CAMSAP1: variants seen among roughly 807,000 people sequenced by gnomAD.
CAMSAP1 encodes the protein calmodulin-regulated spectrin-associated protein 1.
Under a neutral mutation model 143.5 loss-of-function variants are expected in CAMSAP1, and 58 were observed. That is an observed-to-expected ratio of 0.40 (90% confidence interval 0.33 to 0.50). The LOEUF (loss-of-function observed/expected upper bound fraction) is 0.50, where lower values mean the gene tolerates loss of function less well. Ranked by LOEUF, CAMSAP1 falls within the 20% of genes least tolerant of loss-of-function variation. CAMSAP1 has a pLI of 0.45. For synonymous variants in CAMSAP1, 945 were observed against 859.3 expected, an observed-to-expected ratio of 1.10 and a Z score of -1.74; for missense variants, 1,969 against 2,115.7, an observed-to-expected ratio of 0.93 and a Z score of 1.36.
chr9:135,906,856 G>A (rs1204068346), intron 1 of CAMSAP1, 144 bp downstream of exon 1: 3 of 380,976 alleles, frequency 7.9e-6, no homozygotes, highest in Non-Finnish European at 1.1e-5. Context: ...CCAGGACCTC[G>A]GAGGCGGCCG....
Position 135,818,702 on chromosome 9 carries a change from T to C in CAMSAP1, c.3960-86A>G. On this transcript the variant is annotated intron_variant, in intron 12 of 16. Transcript: ENST00000389532. This position sits in a 1 kb window ranked among gnomAD's most constrained non-coding sequence, Gnocchi z 7.7. ...CCGCGGCGCTCTGTCCAGGCGCGTT[T>C]CTCGGGTTCTCCCCGGCCGCTGGGA... 6.9e-7 allele frequency: 1 copy of C among 1,445,604 alleles called. No homozygotes were observed. The allele number at this position is 1,445,604 out of a possible 1,614,324, so 89.5% of individuals were successfully genotyped here. A position where few individuals can be genotyped will look rare whatever the true frequency, so the allele number is the denominator to read the frequency against.
chr9:135,861,098 T>C (rs1295872037), intron 5 of CAMSAP1, among the ~76,000 whole-genome samples: 1 of 152,192 alleles, frequency 6.6e-6, no homozygotes, highest in African/African-American at 2.4e-5. Context: ...CTGTCAGGCC[T>C]CCTCAGTTCA....
intron 3 of CAMSAP1, among the ~76,000 whole-genome samples, chr9:135,879,790 C>T (rs1376852150): frequency 1.3e-5 from 2 of 151,880 alleles, no homozygotes; most frequent in African/African-American, 4.8e-5. Context: ...GGAGAGGAGA[C>T]AACTTGACCT....
At chr9:135,816,065 C>T in intron 14 of CAMSAP1, 60 bp from the exon 15 acceptor site, 1 of 1,516,884 alleles carries the variant, frequency 6.6e-7, no homozygotes, top group Non-Finnish European at 9.1e-7. Flanking sequence ...CTCACCACTG[C>T]TGGCAAGGGG....
chr9:135,811,695 C>A lies in CAMSAP1; in HGVS notation c.4507-84G>T, dbSNP rs1435729562. 7.5e-7 allele frequency: 1 copy of A among 1,329,574 alleles called. No individual in the cohort carries two copies. Among genetic ancestry groups the A allele is most frequent in the African/African-American group, 1.5e-5 (1 of 68,740 alleles). 82.4% of individuals were successfully genotyped at this position (1,329,574 alleles called of 1,614,324 possible). ...GAGTTGGGCTCCCACAGCGGCTCAA[C>A]CAGCACCGCTCCGTGGGAAGCTCTC... On this transcript the variant is annotated intron_variant, in intron 16 of 16. Coordinates refer to ENST00000389532, the MANE Select transcript of CAMSAP1 (RefSeq NM_015447.4). The surrounding 1 kb of genome is among the most constrained non-coding windows in gnomAD (Gnocchi z 4.9).
intron 1 of CAMSAP1, among the ~76,000 whole-genome samples, chr9:135,905,586 G>T (rs901160034): frequency 2.0e-5 from 3 of 152,210 alleles, no homozygotes; most frequent in Non-Finnish European, 4.4e-5. Flanking sequence ...CTCCACAGCA[G>T]CGGAAATGTG....
rs150950975 is a variant in CAMSAP1, at chr9:135,905,724, C to A, written c.160+1276G>T. ...AACTAGTTCGTGGTGTAAGCACATGCGGCAAAATACAAAGAAAAGCAAAAC... is the reference window on the plus strand; with the variant it reads ...AACTAGTTCGTGGTGTAAGCACATGAGGCAAAATACAAAGAAAAGCAAAAC... On this transcript the variant is annotated intron_variant, in intron 1 of 16. Coordinates refer to ENST00000389532, the MANE Select transcript of CAMSAP1 (RefSeq NM_015447.4). Among the ~76,000 whole-genome samples, 968 of 152,312 alleles carry A rather than the reference C, an allele frequency of 6.4e-3. 3 individuals carry two copies. Among genetic ancestry groups the A allele is most frequent in the Middle Eastern group, 0.02 (6 of 294 alleles).
rs538168497 is a variant in CAMSAP1 at position 135,835,024 on chromosome 9, C to T, written c.1046-7440G>A. Among the ~76,000 whole-genome samples, 5 of 152,228 alleles carry T rather than the reference C, an allele frequency of 3.3e-5. No homozygotes were observed. In the South Asian group the frequency reaches 1.0e-3, roughly 32 times the overall value. On this transcript the variant is annotated intron_variant, in intron 7 of 16. Transcript: ENST00000389532. ...GCTGCGGGGTGTAGCCAGCCAGTTT[C>T]AGCAGCCAGGGGAGGCTGTGAAGTG... is the stretch of plus-strand genomic sequence containing the variant.
At chr9:135,890,263 C>T (rs1271466674) in intron 1 of CAMSAP1, among the ~76,000 whole-genome samples, 1 of 152,102 alleles carries the variant, frequency 6.6e-6, no homozygotes, top group Non-Finnish European at 1.5e-5. Context: ...ACACAATCCA[C>T]ACCTGCAGGA....
intron 4 of CAMSAP1, 109 bp from the exon 5 acceptor site, chr9:135,862,717 C>T (rs1837242327): frequency 1.8e-6 from 2 of 1,133,628 alleles, no homozygotes; most frequent in Non-Finnish European, 2.5e-6. Flanking sequence ...TAACAGACAA[C>T]ATGGAGAACA....
intron 4 of CAMSAP1, among the ~76,000 whole-genome samples, chr9:135,863,787 C>T (rs1308278274): frequency 6.6e-6 from 1 of 152,200 alleles, no homozygotes; most frequent in Non-Finnish European, 1.5e-5. Context: ...TCATACTGTA[C>T]CACGCGTGCA....
At position 135,865,884 on chromosome 9, in the gene CAMSAP1, G is replaced by A. The variant is rs907000171; in HGVS notation, c.666+572C>T. ...CAAAGGCGAGACCTTATAGATGGTCGGGCTGCATCTTGTGTGCACTGAACT... is the reference window on the plus strand; with the variant it reads ...CAAAGGCGAGACCTTATAGATGGTCAGGCTGCATCTTGTGTGCACTGAACT... On this transcript the variant is annotated intron_variant, in intron 4 of 16. Coordinates refer to ENST00000389532, the MANE Select transcript of CAMSAP1 (RefSeq NM_015447.4). 3.9e-5 allele frequency among the ~76,000 whole-genome samples: 6 copies of A among 152,206 alleles called. No homozygotes were observed. The East Asian group carries it at 7.7e-4, about 20-fold the overall frequency.
At chr9:135,863,982 G>C (rs1409676455) in intron 4 of CAMSAP1, among the ~76,000 whole-genome samples, 1 of 152,230 alleles carries the variant, frequency 6.6e-6, no homozygotes, top group Non-Finnish European at 1.5e-5. Flanking sequence ...CCAGGAACTT[G>C]TATAGCTGCC....
intron 7 of CAMSAP1, among the ~76,000 whole-genome samples, chr9:135,831,985 C>CAGAT (rs1835875868): frequency 6.6e-6 from 1 of 152,104 alleles, no homozygotes; most frequent in Admixed American, 6.5e-5. Context: ...AGTCCAGGAC[C>CAGAT]AGATGGCTTC....
intron 16 of CAMSAP1, among the ~76,000 whole-genome samples, chr9:135,814,891 G>GT (rs1564413934): frequency 6.6e-6 from 1 of 152,214 alleles, no homozygotes; most frequent in Non-Finnish European, 1.5e-5. Context: ...CCTCCTGGGT[G>GT]TTCCTCCAGC....
Position 135,846,682 on chromosome 9 carries a change from CAAAAAAA to C in CAMSAP1, c.1045+3448_1045+3454del, listed in dbSNP as rs752714756. Among the ~76,000 whole-genome samples the C allele has an allele frequency of 1.7e-3, 94 of 53,736 alleles. 1 individual carries two copies. In the East Asian group the frequency reaches 0.025, roughly 14 times the overall value. 35.3% of individuals were successfully genotyped at this position (53,736 alleles called of 152,430 possible). ...TACAAGGAACTTAAAACAAATTTAC[CAAAAAAA>C]AAAAAAAAAAAAAATCAAAAAGTGG... On this transcript the variant is annotated intron_variant, in intron 7 of 16. Transcript: ENST00000389532.
rs921317620 is a variant in CAMSAP1, at chr9:135,811,725, C to A, written c.4507-114G>T. The stretch of plus-strand genomic sequence containing the variant: ...ACCGCTCCGTGGGAAGCTCTCCCAC[C>A]CGTCAGCTACGGCCTGCCTGTTGTA... On this transcript the variant is annotated intron_variant, in intron 16 of 16. Coordinates refer to ENST00000389532, the MANE Select transcript of CAMSAP1 (RefSeq NM_015447.4). The surrounding 1 kb of genome is among the most constrained non-coding windows in gnomAD (Gnocchi z 4.9). 8.3e-6 allele frequency: 8 copies of A among 960,724 alleles called. No individual in the cohort carries two copies. The highest frequency in any genetic ancestry group is 6.9e-5 in the Admixed American group (3 of 43,172). 59.5% of individuals were successfully genotyped at this position (960,724 alleles called of 1,614,324 possible). A position where few individuals can be genotyped will look rare whatever the true frequency, so the allele number is the denominator to read the frequency against.
intron 7 of CAMSAP1, among the ~76,000 whole-genome samples, chr9:135,841,268 G>A (rs1399360313): frequency 1.3e-5 from 2 of 152,220 alleles, no homozygotes; most frequent in African/African-American, 4.8e-5. Flanking sequence ...CCAGAGCTGG[G>A]CAAAGCCGCT....
chr9:135,854,392 T>G (rs1836880649), intron 5 of CAMSAP1, among the ~76,000 whole-genome samples: 1 of 152,252 alleles, frequency 6.6e-6, no homozygotes, highest in African/African-American at 2.4e-5. Flanking sequence ...TTTAAAACAA[T>G]AAGCTTTTAG....
Sources: allele counts gnomAD v4.1 joint callset (sites outside exome capture counted in the v4.1 genomes callset), GRCh38; gene constraint gnomAD v4.1.1; non-coding constraint Gnocchi (gnomAD v3.1); transcripts MANE v1.5; gene names NCBI Gene and HGNC (gene_info 2026-07-23, HGNC 2026-07-21).